Variants in SUCLG2 observed in about 807,000 individuals in gnomAD.
The protein encoded by SUCLG2 is succinate-CoA ligase GDP-forming subunit beta.
Under a neutral mutation model 47.9 loss-of-function variants are expected in SUCLG2, and 42 were observed. That is an observed-to-expected ratio of 0.88 (90% CI 0.69 to 1.14). SUCLG2 has a LOEUF of 1.14. SUCLG2 is among the 50% of genes most tolerant of loss of function. The probability of loss-of-function intolerance (pLI) is 0.00; values close to 1 mark genes in which losing one functional copy is unlikely to be tolerated. For missense variants in SUCLG2, 571 were observed against 525.9 expected, an observed-to-expected ratio of 1.09 and a Z score of -0.84; for synonymous variants, 195 against 197.3, an observed-to-expected ratio of 0.99 and a Z score of 0.10.
chr3:67,573,051 T>C (rs1221893140), intron 2 of SUCLG2, among the ~76,000 whole-genome samples: 1 of 152,184 alleles, frequency 6.6e-6, no homozygotes. Flanking sequence ...AATGAAATTA[T>C]TAAAGTAATG....
chr3:67,449,471 A>G (rs191391374), intron 9 of SUCLG2, among the ~76,000 whole-genome samples: 1 of 151,894 alleles, frequency 6.6e-6, no homozygotes, highest in Non-Finnish European at 1.5e-5. Context: ...TTCCAAAACA[A>G]TTAGTCCAGT....
chr3:67,390,403 G>C (rs188214724), intron 10 of SUCLG2, among the ~76,000 whole-genome samples: 441 of 152,276 alleles, frequency 2.9e-3, no homozygotes, highest in African/African-American at 9.9e-3. Context: ...TTTGTTCTCA[G>C]CTGTATAATA....
At chr3:67,566,632 A>C (rs1386404538) in intron 2 of SUCLG2, among the ~76,000 whole-genome samples, 1 of 152,212 alleles carries the variant, frequency 6.6e-6, no homozygotes, top group Non-Finnish European at 1.5e-5. Context: ...GATTTTGCAA[A>C]GTAACAATTC....
At chr3:67,483,069 C>T (rs1704958448) in intron 9 of SUCLG2, among the ~76,000 whole-genome samples, 1 of 152,104 alleles carries the variant, frequency 6.6e-6, no homozygotes, top group Admixed American at 6.6e-5. Context: ...GTTTGCAGTG[C>T]TCCATTTCAG....
intron 2 of SUCLG2, among the ~76,000 whole-genome samples, chr3:67,580,216 C>T (rs1418895127): frequency 1.3e-5 from 2 of 151,772 alleles, no homozygotes; most frequent in African/African-American, 4.9e-5. Context: ...AGATAAGCAA[C>T]ATAGGAGAAG....
chr3:67,442,167 C>G (rs560006542), intron 9 of SUCLG2, among the ~76,000 whole-genome samples: 1 of 150,108 alleles, frequency 6.7e-6, no homozygotes, highest in African/African-American at 2.5e-5. Context: ...CCCGCCACTA[C>G]GCCCGGCTAA....
chr3:67,522,804 C>T (rs888332402), intron 4 of SUCLG2, among the ~76,000 whole-genome samples: 2 of 151,928 alleles, frequency 1.3e-5, no homozygotes, highest in African/African-American at 4.8e-5. Flanking sequence ...GCTGGGACTA[C>T]AGGTGCCCGC....
chr3:67,410,318 G>A (rs1033576341), intron 9 of SUCLG2, among the ~76,000 whole-genome samples: 36 of 152,186 alleles, frequency 2.4e-4, no homozygotes, highest in African/African-American at 8.4e-4. Context: ...GCATATAAAT[G>A]CTTCTGTAGT....
At chr3:67,473,477 C>T (rs780665074) in intron 9 of SUCLG2, among the ~76,000 whole-genome samples, 4 of 151,770 alleles carry the variant, frequency 2.6e-5, no homozygotes, top group Non-Finnish European at 4.4e-5. Context: ...ACTTAGAATT[C>T]CAAAAAGAAT....
intron 4 of SUCLG2, among the ~76,000 whole-genome samples, chr3:67,523,839 G>C (rs990356906): frequency 2.6e-5 from 4 of 152,122 alleles, no homozygotes; most frequent in Admixed American, 2.6e-4. Flanking sequence ...ACTTTCAGTA[G>C]TTATTCTTAG....
At chr3:67,645,530 A>G (rs1052071794) in intron 1 of SUCLG2, among the ~76,000 whole-genome samples, 3 of 152,216 alleles carry the variant, frequency 2.0e-5, no homozygotes, top group Non-Finnish European at 4.4e-5. Flanking sequence ...AGTTTTTCTA[A>G]TGTGCCAAAT....
intron 1 of SUCLG2, among the ~76,000 whole-genome samples, chr3:67,639,798 A>C (rs534440884): frequency 6.6e-6 from 1 of 152,246 alleles, no homozygotes; most frequent in South Asian, 2.1e-4. Flanking sequence ...CCGAAAAGCC[A>C]CTTTCACATG....
chr3:67,631,171 A>G (rs1308200927), intron 1 of SUCLG2, among the ~76,000 whole-genome samples: 1 of 152,184 alleles, frequency 6.6e-6, no homozygotes, highest in Non-Finnish European at 1.5e-5. Flanking sequence ...GTATGTGAAG[A>G]CATTTGCTTT....
intron 9 of SUCLG2, among the ~76,000 whole-genome samples, chr3:67,447,649 C>T (rs796099017): frequency 1.3e-5 from 2 of 152,294 alleles, no homozygotes; most frequent in African/African-American, 4.8e-5. Flanking sequence ...TATTCCAAAT[C>T]AACATATTTG....
intron 2 of SUCLG2, among the ~76,000 whole-genome samples, chr3:67,554,638 T>G (rs958766951): frequency 6.6e-6 from 1 of 152,158 alleles, no homozygotes; most frequent in Non-Finnish European, 1.5e-5. Flanking sequence ...AATAATACGT[T>G]GAAAACTTTA....
chr3:67,508,294 G>A (rs1010574128), intron 7 of SUCLG2, among the ~76,000 whole-genome samples: 2 of 152,120 alleles, frequency 1.3e-5, no homozygotes, highest in African/African-American at 2.4e-5. Flanking sequence ...TTCCATAAAG[G>A]CATATGCCTT....
intron 2 of SUCLG2, among the ~76,000 whole-genome samples, chr3:67,604,433 A>G (rs1424128268): frequency 1.3e-5 from 2 of 152,244 alleles, no homozygotes; most frequent in Non-Finnish European, 2.9e-5. Flanking sequence ...CAAAAGGAAA[A>G]TGCTAGGGGA....
chr3:67,444,687 TG>T (rs1425486249), intron 9 of SUCLG2, among the ~76,000 whole-genome samples: 2 of 7,300 alleles, frequency 2.7e-4, no homozygotes, highest in Admixed American at 2.3e-3. Flanking sequence ...GGGAGGGAGG[TG>T]GGGGGGGTCA....
chr3:67,635,559 T>C (rs1700995505), intron 1 of SUCLG2, among the ~76,000 whole-genome samples: 1 of 152,172 alleles, frequency 6.6e-6, no homozygotes, highest in Admixed American at 6.5e-5. Flanking sequence ...GCCTTATGCA[T>C]GTGTTGTTCA....
Sources: gnomAD v4.1 joint callset for allele counts (sites outside exome capture counted in the v4.1 genomes callset) on GRCh38, gnomAD v4.1.1 for gene constraint, MANE v1.5 for transcripts, NCBI Gene and HGNC (gene_info 2026-07-23, HGNC 2026-07-21) for gene names.